Variants in GRM7 observed in about 807,000 individuals in gnomAD.
GRM7 encodes the protein glutamate metabotropic receptor 7.
In GRM7, 35 loss-of-function variants were observed where a neutral mutation model predicts 84.5. That is an observed-to-expected ratio of 0.41 (90% CI 0.32 to 0.55). The LOEUF is 0.55. Ranked by LOEUF, GRM7 falls within the 20% of genes least tolerant of loss-of-function variation. GRM7 has a pLI of 0.19. For synonymous variants in GRM7, 487 were observed against 455.1 expected, an observed-to-expected ratio of 1.07 and a Z score of -0.89; for missense variants, 1,003 against 1,194.6, an observed-to-expected ratio of 0.84 and a Z score of 2.36.
chr3:7,090,111 G>A (rs1375355077), intron 1 of GRM7, among the ~76,000 whole-genome samples: 2 of 152,084 alleles, frequency 1.3e-5, no homozygotes, highest in Non-Finnish European at 2.9e-5. Context: ...CTACAGTACT[G>A]GGATTACAGG....
intron 4 of GRM7, among the ~76,000 whole-genome samples, chr3:7,387,574 T>C (rs1048349930): frequency 1.3e-5 from 2 of 152,218 alleles, no homozygotes; most frequent in Non-Finnish European, 2.9e-5. Flanking sequence ...ATTTGCTGAC[T>C]TTGTCAAAGA....
At chr3:7,087,511 G>A (rs990675908) in intron 1 of GRM7, among the ~76,000 whole-genome samples, 3 of 151,942 alleles carry the variant, frequency 2.0e-5, no homozygotes, top group African/African-American at 4.8e-5. Context: ...TTTCAGGACC[G>A]AGGGACTTGA....
chr3:7,635,104 C>A (rs757282584), intron 8 of GRM7, among the ~76,000 whole-genome samples: 1 of 152,132 alleles, frequency 6.6e-6, no homozygotes, highest in Admixed American at 6.5e-5. Context: ...ATTGGTGGGG[C>A]TGAAGAATGA....
At chr3:7,455,064 C>A (rs1291536582) in intron 6 of GRM7, among the ~76,000 whole-genome samples, 1 of 152,056 alleles carries the variant, frequency 6.6e-6, no homozygotes, top group Admixed American at 6.6e-5. Context: ...CTGAAGTGGT[C>A]ATGTTGAAAG....
At chr3:7,637,003 C>T (rs750355213) in intron 8 of GRM7, among the ~76,000 whole-genome samples, 1 of 152,192 alleles carries the variant, frequency 6.6e-6, no homozygotes, top group Non-Finnish European at 1.5e-5. Context: ...ACTTCGTGGT[C>T]ATGGCATGAG....
chr3:7,355,509 G>A (rs551424192), intron 4 of GRM7, among the ~76,000 whole-genome samples: 8 of 152,206 alleles, frequency 5.3e-5, no homozygotes, highest in Admixed American at 3.3e-4. Context: ...CGCAGCAGAT[G>A]CTGTTATAAT....
intron 1 of GRM7, among the ~76,000 whole-genome samples, chr3:6,969,500 C>T (rs1209725808): frequency 6.6e-6 from 1 of 152,176 alleles, no homozygotes; most frequent in African/African-American, 2.4e-5. Context: ...ATGCTCAGTT[C>T]ACTGTGTGCC....
chr3:7,007,145 C>A (rs1695204981), intron 1 of GRM7, among the ~76,000 whole-genome samples: 1 of 152,120 alleles, frequency 6.6e-6, no homozygotes, highest in South Asian at 2.1e-4. Flanking sequence ...GAAGAAAAAG[C>A]TCAGGATGAG....
intron 4 of GRM7, among the ~76,000 whole-genome samples, chr3:7,391,450 A>T (rs1042679432): frequency 6.6e-6 from 1 of 152,162 alleles, no homozygotes; most frequent in South Asian, 2.1e-4. Context: ...TGAGCAAACT[A>T]TCACAAGGAC....
intron 6 of GRM7, among the ~76,000 whole-genome samples, chr3:7,454,428 A>G (rs1285060110): frequency 6.6e-6 from 1 of 152,142 alleles, no homozygotes; most frequent in Non-Finnish European, 1.5e-5. Flanking sequence ...GCAACATTCA[A>G]CACAGACAGT....
chr3:7,645,728 G>A (rs1698606057), intron 8 of GRM7, among the ~76,000 whole-genome samples: 2 of 152,190 alleles, frequency 1.3e-5, no homozygotes, highest in South Asian at 2.1e-4. Context: ...GTGCTACTGG[G>A]AGAAAGTGTT....
At chr3:6,924,877 A>C (rs1697246502) in intron 1 of GRM7, among the ~76,000 whole-genome samples, 1 of 152,122 alleles carries the variant, frequency 6.6e-6, no homozygotes, top group Non-Finnish European at 1.5e-5. Context: ...AAATATCTCC[A>C]AATCACTGAA....
At chr3:7,431,868 G>C (rs1206140330) in intron 5 of GRM7, among the ~76,000 whole-genome samples, 4 of 152,174 alleles carry the variant, frequency 2.6e-5, no homozygotes. Flanking sequence ...CCGTTGTAGA[G>C]AAATAAATAT....
At chr3:7,424,017 G>T (rs1696504631) in intron 5 of GRM7, among the ~76,000 whole-genome samples, 1 of 152,118 alleles carries the variant, frequency 6.6e-6, no homozygotes, top group Non-Finnish European at 1.5e-5. Context: ...GTTCATAAAA[G>T]AAGTTAAGAC....
chr3:7,513,397 C>CT (rs899041571), intron 7 of GRM7, among the ~76,000 whole-genome samples: 16 of 151,184 alleles, frequency 1.1e-4, no homozygotes, highest in East Asian at 3.9e-4. Context: ...AAGATAAAAC[C>CT]TTTTTTTTTC....
chr3:7,373,252 AT>A (rs1035594405), intron 4 of GRM7, among the ~76,000 whole-genome samples: 7 of 152,188 alleles, frequency 4.6e-5, no homozygotes, highest in Non-Finnish European at 8.8e-5. Flanking sequence ...TCACAAGTTT[AT>A]TTTATAATCA....
chr3:7,585,135 C>T (rs752243242), intron 8 of GRM7, among the ~76,000 whole-genome samples: 1 of 152,148 alleles, frequency 6.6e-6, no homozygotes, highest in Non-Finnish European at 1.5e-5. Flanking sequence ...TTGCTGATGC[C>T]ATTTGTGCAC....
chr3:6,955,225 A>G (rs1278048535), intron 1 of GRM7, among the ~76,000 whole-genome samples: 1 of 152,234 alleles, frequency 6.6e-6, no homozygotes. Flanking sequence ...AATACTGCAT[A>G]CAGCATCATT....
At chr3:7,437,342 A>G (rs1035362476) in intron 5 of GRM7, among the ~76,000 whole-genome samples, 2 of 152,138 alleles carry the variant, frequency 1.3e-5, no homozygotes, top group African/African-American at 4.8e-5. Context: ...TCTCTCTCCT[A>G]TCCACTCTGT....
Sources: allele counts gnomAD v4.1 joint callset (sites outside exome capture counted in the v4.1 genomes callset), GRCh38; gene constraint gnomAD v4.1.1; transcripts MANE v1.5; gene names NCBI Gene and HGNC (gene_info 2026-07-23, HGNC 2026-07-21).